The following MYOF variants were observed in gnomAD, a reference collection of about 807,000 sequenced individuals.
MYOF encodes myoferlin.
Under a neutral mutation model 284.2 loss-of-function variants are expected in MYOF, and 244 were observed. The observed-to-expected ratio is 0.86, with a 90% CI of 0.77 to 0.95. The LOEUF is 0.95. MYOF is among the 40% of genes least tolerant of loss of function. The pLI, the probability that MYOF is intolerant of heterozygous loss-of-function variation, is 0.00. For synonymous variants in MYOF, 904 were observed against 919.7 expected (o/e 0.98, Z 0.31); for missense variants, 2,496 against 2,560.6 (o/e 0.97, Z 0.54).
At chr10:93,438,205 T>C (rs1176216264) in intron 3 of MYOF, among the ~76,000 whole-genome samples, 1 of 151,868 alleles carries the variant, frequency 6.6e-6, no homozygotes, top group African/African-American at 2.4e-5. Context: ...CCCCCCACAC[T>C]CCTCCTTGGC....
rs768065531 is a variant in MYOF, at chr10:93,452,065, G to A, written c.221C>T (p.Thr74Ile). 2.5e-6 allele frequency: 4 copies of A among 1,611,084 alleles called. No individual in the cohort carries two copies. In the Admixed American group the frequency reaches 5.0e-5, roughly 20 times the overall value. Residue 74 changes from threonine (T) to isoleucine (I), a missense_variant, in exon 3 of 54, where the codon ACA (threonine) becomes ATA (isoleucine). Around this residue, in one of 3 missense-constraint regions of MYOF, gnomAD observed 2,436 missense variants for 2,480.7 expected, o/e 0.98. Transcript: ENST00000359263. ...SLGIIVKDFE[T>I]IGQNKLIGTA... ...AACAACTTACTTATTTTGTCCAATT[G>A]TCTCAAAATCTTTCACAATAATCCC...
At chr10:93,428,748 C>T (rs987271534) in intron 4 of MYOF, among the ~76,000 whole-genome samples, 9 of 152,164 alleles carry the variant, frequency 5.9e-5, no homozygotes, top group Non-Finnish European at 7.3e-5. Context: ...AGTTTCACAG[C>T]ACACAAAGAA....
chr10:93,384,334 G>A (rs1564670189), intron 19 of MYOF, among the ~76,000 whole-genome samples: 1 of 152,170 alleles, frequency 6.6e-6, no homozygotes, highest in Admixed American at 6.5e-5. Context: ...CCTACAACAA[G>A]AGAAAATGAA....
At chr10:93,432,493 G>A (rs1476707211) in intron 3 of MYOF, among the ~76,000 whole-genome samples, 1 of 152,116 alleles carries the variant, frequency 6.6e-6, no homozygotes, top group Non-Finnish European at 1.5e-5. Context: ...AGAGAGGAAG[G>A]CATTTCTCTG....
At position 93,343,943 on chromosome 10, in the gene MYOF, A is replaced by G. The variant is rs772853870; in HGVS notation, c.4250-11T>C. 4.3e-6 allele frequency: 7 copies of G among 1,614,128 alleles called. No individual in the cohort carries two copies. The Admixed American group carries it at 1.2e-4, about 27-fold the overall frequency. ...CAGACAGAAGGGAGGCTGCAAGACA[A>G]ATACTTTCTTAATCTAAGATACTTA... On this transcript the variant is annotated splice_polypyrimidine_tract_variant and intron_variant, in intron 37 of 53. Transcript: ENST00000359263.
In MYOF at chr10:93,401,457, A is replaced by G; in HGVS notation, c.1078T>C (p.Phe360Leu). 1 of 1,614,184 alleles carries G rather than the reference A, an allele frequency of 6.2e-7. No individual in the cohort carries two copies. The highest frequency in any genetic ancestry group is 8.5e-7 in the Non-Finnish European group (1 of 1,180,032). Residue 360 changes from phenylalanine (F) to leucine (L), a missense_variant, in exon 12 of 54, where the codon TTC becomes CTC. By Grantham distance (22) the Phe-to-Leu change is conservative. Transcript: ENST00000359263. Reference protein sequence around the residue: ...PAGIALRWVTFLLKIYRAEDI... With the variant: ...PAGIALRWVTLLLKIYRAEDI... ...TCAGCTCGGTAGATTTTCAGCAAGA[A>G]GGTCACCCACCGGAGGGCAATGCCA...
chr10:93,315,199 A>G (rs1003492518), intron 50 of MYOF, among the ~76,000 whole-genome samples: 2 of 152,156 alleles, frequency 1.3e-5, no homozygotes, highest in African/African-American at 4.8e-5. Flanking sequence ...TGCGGGGAAA[A>G]GGGATAAATA....
At position 93,316,769 on chromosome 10, in the gene MYOF, G is replaced by A. The variant is rs1015628200; in HGVS notation, c.5643C>T (p.Pro1881=). Residue 1881 remains proline, a synonymous_variant, in exon 50 of 54, where the codon CCC becomes CCT. Coordinates refer to ENST00000359263, the MANE Select transcript of MYOF (RefSeq NM_013451.4). The part of the protein sequence containing the change: ...SIDQTEFRIP[P]RLIIQIWDND... ...TGTCCCATATCTGAATGATCAGCCT[G>A]GGTGGGATTCGAAATTCCGTTTGGT... 2.5e-6 allele frequency: 4 copies of A among 1,613,982 alleles called. No individual in the cohort carries two copies. In the Admixed American group the frequency reaches 6.7e-5, roughly 27 times the overall value.
At chr10:93,361,272 C>T (rs761490234) in intron 28 of MYOF, among the ~76,000 whole-genome samples, 180 bp downstream of exon 28, 40 of 152,310 alleles carry the variant, frequency 2.6e-4, no homozygotes, top group Middle Eastern at 3.4e-3. Flanking sequence ...CCGCCGCTCA[C>T]CTCCTGCTGT....
chr10:93,343,831 T>A (rs1219420468), intron 38 of MYOF, 25 bp downstream of exon 38: 1 of 1,611,238 alleles, frequency 6.2e-7, no homozygotes. Flanking sequence ...ACTGACAGCA[T>A]CCACTGATCA....
intron 18 of MYOF, among the ~76,000 whole-genome samples, chr10:93,388,789 A>G (rs1846526286): frequency 6.6e-6 from 1 of 152,242 alleles, no homozygotes; most frequent in African/African-American, 2.4e-5. Context: ...CCAGGGGCTT[A>G]TTAGGAAAGA....
At position 93,424,929 on chromosome 10, in the gene MYOF, ATT is replaced by A. The variant is rs11376911; in HGVS notation, c.433+1140_433+1141del. Reference sequence around the variant, plus strand: ...ACTTCCTCCCAGGAGGGAGAATTCCATTTTTTTTTTTTTTTTTTTTTTTTTTT... The same window carrying A: ...ACTTCCTCCCAGGAGGGAGAATTCCATTTTTTTTTTTTTTTTTTTTTTTTT... On this transcript the variant is annotated intron_variant, in intron 5 of 53. Transcript: ENST00000359263. 4.1e-3 allele frequency among the ~76,000 whole-genome samples: 322 copies of A among 77,722 alleles called. 1 individual carries two copies. The highest frequency in any genetic ancestry group is 0.016 in the African/African-American group (305 of 18,924). 51.0% of individuals were successfully genotyped at this position (77,722 alleles called of 152,430 possible). A position where few individuals can be genotyped will look rare whatever the true frequency, so the allele number is the denominator to read the frequency against.
intron 1 of MYOF, among the ~76,000 whole-genome samples, chr10:93,474,903 T>C (rs1247017476): frequency 6.6e-6 from 1 of 152,124 alleles, no homozygotes; most frequent in Non-Finnish European, 1.5e-5. Context: ...CCCACCACCA[T>C]GCCTGGCTAA....
intron 1 of MYOF, among the ~76,000 whole-genome samples, chr10:93,474,897 C>A (rs1242228344): frequency 1.3e-5 from 2 of 152,150 alleles, no homozygotes; most frequent in African/African-American, 4.8e-5. Context: ...CAGGTGCCCA[C>A]CACCATGCCT....
chr10:93,466,253 C>T (rs1163595457), intron 1 of MYOF, among the ~76,000 whole-genome samples: 1 of 152,144 alleles, frequency 6.6e-6, no homozygotes, highest in Non-Finnish European at 1.5e-5. Context: ...AAGATGCTGC[C>T]AAACAGGTTC....
At chr10:93,364,817 G>A (rs1359557302) in intron 26 of MYOF, among the ~76,000 whole-genome samples, 1 of 151,602 alleles carries the variant, frequency 6.6e-6, no homozygotes, top group Admixed American at 6.6e-5. Context: ...TCTTTTCTCT[G>A]CTGTATTCTC....
At chr10:93,458,689 C>T (rs2056803543) in intron 1 of MYOF, among the ~76,000 whole-genome samples, 1 of 152,190 alleles carries the variant, frequency 6.6e-6, no homozygotes, top group Non-Finnish European at 1.5e-5. Flanking sequence ...GAGATCGTGT[C>T]ACTGCACTCC....
chr10:93,324,591 A>G (rs1180700038), intron 46 of MYOF: 4 of 152,154 alleles, frequency 2.6e-5, no homozygotes, highest in Non-Finnish European at 5.9e-5. Flanking sequence ...GGAGAGAAAG[A>G]AGGAGGAATA....
chr10:93,431,515 A>T lies in MYOF; in HGVS notation c.238T>A (p.Leu80Ile), dbSNP rs763578018. ...AGGGCTACAGTCGCCGTGCCAATTA[A>T]TCTGCAGGGAAAACAGGAAAGCACA... ...KDFETIGQNKLIGTATVALKD... is the reference protein window; with the variant it reads ...KDFETIGQNKIIGTATVALKD... The change falls in exon 4 of 54, where the codon TTA becomes ATA. Residue 80 changes from leucine (L) to isoleucine (I), a missense_variant and splice_region_variant. Leu to Ile is a conservative substitution (Grantham distance 5). Around this residue, in one of 3 missense-constraint regions of MYOF, gnomAD observed 2,436 missense variants for 2,480.7 expected, o/e 0.98. Transcript: ENST00000359263. 6.2e-7 allele frequency: 1 copy of T among 1,613,280 alleles called. No homozygotes were observed. Among genetic ancestry groups the T allele is most frequent in the South Asian group, 1.1e-5 (1 of 91,050 alleles).
Sources: allele counts gnomAD v4.1 joint callset (sites outside exome capture counted in the v4.1 genomes callset), GRCh38; gene constraint gnomAD v4.1.1; regional missense constraint gnomAD v4.1.1; transcripts MANE v1.5; gene names NCBI Gene and HGNC (gene_info 2026-07-23, HGNC 2026-07-21).